Variants in NFATC1 observed in about 807,000 individuals in gnomAD.
NFATC1 encodes the protein nuclear factor of activated T-cells, cytoplasmic 1.
In NFATC1, 22 loss-of-function variants were observed where a neutral mutation model predicts 76.0. The observed-to-expected ratio is 0.29, with a 90% CI of 0.21 to 0.41. The LOEUF (loss-of-function observed/expected upper bound fraction) is 0.41, where lower values mean the gene tolerates loss of function less well. NFATC1 is among the 10% of genes least tolerant of loss of function. The pLI is 1.00. For missense variants in NFATC1, 1,357 were observed against 1,337.7 expected (o/e 1.01, Z -0.23); for synonymous variants, 704 against 613.1 (o/e 1.15, Z -2.19).
intron 3 of NFATC1, among the ~76,000 whole-genome samples, chr18:79,443,773 C>G (rs1050863321): frequency 2.6e-5 from 4 of 152,234 alleles, no homozygotes; most frequent in African/African-American, 9.6e-5. Flanking sequence ...GGTGTCCCGG[C>G]ACCTCCAGGC....
intron 9 of NFATC1, among the ~76,000 whole-genome samples, chr18:79,489,406 C>T (rs1007220766): frequency 6.6e-6 from 1 of 152,234 alleles, no homozygotes; most frequent in Non-Finnish European, 1.5e-5. Flanking sequence ...CCCAATGCCA[C>T]GTTCCCATTG....
rs931570469 is a variant in NFATC1, at chr18:79,396,019, C to A, written c.-206C>A. On this transcript the variant is annotated 5_prime_UTR_variant, in exon 1 of 10. Coordinates refer to ENST00000427363, the MANE Select transcript of NFATC1 (RefSeq NM_001278669.2). ...CAGGGCGCGGGCACCGGGGCGCGGG[C>A]AGGGCTCGGAGCCACCGCGCAGGTC... The A allele has an allele frequency of 5.1e-6, 2 of 394,346 alleles. No homozygotes were observed. The highest frequency in any genetic ancestry group is 7.5e-6 in the Non-Finnish European group (2 of 265,544). The allele number at this position is 394,346 out of a possible 1,614,324, so 24.4% of individuals were successfully genotyped here. A position where few individuals can be genotyped will look rare whatever the true frequency, so the allele number is the denominator to read the frequency against.
intron 2 of NFATC1, among the ~76,000 whole-genome samples, chr18:79,423,082 AG>A (rs1303468682): frequency 6.6e-6 from 1 of 151,194 alleles, no homozygotes; most frequent in South Asian, 2.1e-4. Context: ...CACGAGATAC[AG>A]GGGTGGACCT....
chr18:79,497,103 A>G (rs761164817), intron 9 of NFATC1: 2 of 152,270 alleles, frequency 1.3e-5, no homozygotes, highest in Non-Finnish European at 2.9e-5. Context: ...GAAGGGGAGC[A>G]TGGTGTCTGT....
intron 9 of NFATC1, among the ~76,000 whole-genome samples, chr18:79,490,698 G>A (rs1336062594): frequency 6.6e-6 from 1 of 152,190 alleles, no homozygotes; most frequent in Non-Finnish European, 1.5e-5. Context: ...GTCCTGGGTG[G>A]ATGGAGCCGT....
chr18:79,433,436 C>G, intron 2 of NFATC1, 143 bp from the exon 3 acceptor site: 1 of 986,250 alleles, frequency 1.0e-6, no homozygotes, highest in Non-Finnish European at 1.6e-6. Context: ...ACTGCATTGA[C>G]ACAGGCTTCT....
intron 6 of NFATC1, among the ~76,000 whole-genome samples, chr18:79,459,520 C>A (rs1311744948): frequency 6.6e-6 from 1 of 152,152 alleles, no homozygotes; most frequent in African/African-American, 2.4e-5. Context: ...GTGTGCGCCT[C>A]AGTGTCCCTC....
chr18:79,499,180 C>T (rs1481248469), intron 9 of NFATC1, among the ~76,000 whole-genome samples: 1 of 152,166 alleles, frequency 6.6e-6, no homozygotes, highest in East Asian at 1.9e-4. Flanking sequence ...GTGCTTATAA[C>T]AATTTGTGTG....
chr18:79,462,977 G>A (rs1341772999), intron 7 of NFATC1, among the ~76,000 whole-genome samples: 4 of 152,208 alleles, frequency 2.6e-5, no homozygotes, highest in African/African-American at 4.8e-5. Flanking sequence ...TGGGACGATC[G>A]GTGGCCTCCA....
chr18:79,423,432 C>A (rs981116084), intron 2 of NFATC1, among the ~76,000 whole-genome samples: 1 of 152,226 alleles, frequency 6.6e-6, no homozygotes, highest in Non-Finnish European at 1.5e-5. Flanking sequence ...GCGTCCTGGG[C>A]TCCCTCCCAT....
chr18:79,430,035 G>A (rs962203453), intron 2 of NFATC1, among the ~76,000 whole-genome samples: 13 of 152,372 alleles, frequency 8.5e-5, no homozygotes, highest in Admixed American at 6.5e-5. Flanking sequence ...CTGGGGAGCC[G>A]TGGGCCACGC....
At chr18:79,432,343 G>A (rs548143172) in intron 2 of NFATC1, among the ~76,000 whole-genome samples, 5 of 151,924 alleles carry the variant, frequency 3.3e-5, no homozygotes, top group African/African-American at 1.2e-4. Context: ...GAGGACAGTC[G>A]GCGGGCCCTG....
chr18:79,422,709 G>GTTCCCAACGGGCTCCTTTTGC (rs2086140738), intron 2 of NFATC1: 1 of 152,260 alleles, frequency 6.6e-6, no homozygotes, highest in Admixed American at 6.5e-5. Context: ...CTGAGCTTGG[G>GTTCCCAACGGGCTCCTTTTGC]TTCCCAACGG....
At chr18:79,475,121 G>A (rs1453729493) in intron 8 of NFATC1, among the ~76,000 whole-genome samples, 3 of 143,340 alleles carry the variant, frequency 2.1e-5, no homozygotes, top group Non-Finnish European at 4.5e-5. Flanking sequence ...CACGCTCACT[G>A]TCGACATTGT....
chr18:79,436,256 C>T (rs1181411177), intron 3 of NFATC1, among the ~76,000 whole-genome samples: 6 of 152,228 alleles, frequency 3.9e-5, no homozygotes, highest in Non-Finnish European at 5.9e-5. Context: ...AGGACGAGGC[C>T]GTGGGTAGTG....
At chr18:79,456,522 C>T (rs547789922) in intron 6 of NFATC1, among the ~76,000 whole-genome samples, 2 of 152,376 alleles carry the variant, frequency 1.3e-5, no homozygotes, top group South Asian at 4.1e-4. Context: ...CACCCTGCCC[C>T]TCTCCTCCTC....
intron 2 of NFATC1, among the ~76,000 whole-genome samples, chr18:79,432,410 TA>T (rs2086631148): frequency 9.6e-5 from 5 of 52,160 alleles, no homozygotes; most frequent in African/African-American, 2.3e-4. Context: ...TCTGGCCACA[TA>T]GCGGTGAGGA....
chr18:79,433,207 C>A (rs1283850276), intron 2 of NFATC1, among the ~76,000 whole-genome samples: 1 of 152,194 alleles, frequency 6.6e-6, no homozygotes, highest in South Asian at 2.1e-4. Flanking sequence ...TGGTTCATAG[C>A]GAGGAGAGGT....
In NFATC1 at chr18:79,461,195, C is replaced by T. The variant is rs1600797261; in HGVS notation, c.1904-116C>T. ...CCCTGGGATGGGCCTACGTGGGTCT[C>T]CTGGGACAAGGCGCCCTCCTGGCTC... On this transcript the variant is annotated intron_variant, in intron 6 of 9. Coordinates refer to ENST00000427363, the MANE Select transcript of NFATC1 (RefSeq NM_001278669.2). The T allele has an allele frequency of 8.1e-6, 10 of 1,231,100 alleles. No individual in the cohort carries two copies. In the African/African-American group the frequency reaches 8.9e-5, roughly 11 times the overall value. 76.3% of individuals were successfully genotyped at this position (1,231,100 alleles called of 1,614,324 possible).
Sources: gnomAD v4.1 joint callset for allele counts (sites outside exome capture counted in the v4.1 genomes callset) on GRCh38, gnomAD v4.1.1 for gene constraint, MANE v1.5 for transcripts, NCBI Gene and HGNC (gene_info 2026-07-23, HGNC 2026-07-21) for gene names.